Variants in FAM178B observed in about 807,000 individuals in gnomAD.
FAM178B encodes family with sequence similarity 178 member B.
Under a neutral mutation model 91.7 loss-of-function variants are expected in FAM178B, and 82 were observed. The ratio of observed to expected loss-of-function variants is 0.89; its 90% CI spans 0.75 to 1.07. FAM178B has a LOEUF of 1.07. Ranked by LOEUF, FAM178B falls within the 50% of genes least tolerant of loss-of-function variation. FAM178B has a pLI of 0.00. For missense variants in FAM178B, 769 were observed against 846.7 expected (o/e 0.91, Z 1.14); for synonymous variants, 368 against 359.4 (o/e 1.02, Z -0.27).
intron 12 of FAM178B, among the ~76,000 whole-genome samples, chr2:96,915,803 G>A (rs2081232058): frequency 6.7e-6 from 1 of 149,460 alleles, no homozygotes; most frequent in South Asian, 2.1e-4. Flanking sequence ...GCGACAGAGT[G>A]GGAAAAAAAA....
intron 8 of FAM178B, among the ~76,000 whole-genome samples, chr2:96,932,454 T>C (rs2081556268): frequency 6.6e-6 from 1 of 152,176 alleles, no homozygotes; most frequent in Non-Finnish European, 1.5e-5. Flanking sequence ...TAACACTGCC[T>C]AGAAGTGGGC....
intron 13 of FAM178B, among the ~76,000 whole-genome samples, chr2:96,898,764 C>T (rs936424624): frequency 6.6e-5 from 10 of 152,160 alleles, no homozygotes; most frequent in South Asian, 4.1e-4. Context: ...CTAGGAGGGG[C>T]GAGCACTGAG....
Position 96,921,193 on chromosome 2 carries a change from A to C in FAM178B, c.1534T>G (p.Phe512Val). The C allele has an allele frequency of 6.4e-7, 1 of 1,551,486 alleles. No individual in the cohort carries two copies. The highest frequency in any genetic ancestry group is 1.2e-5 in the South Asian group (1 of 84,048). ...CTCCGGGAGGTCATGTCTGGGAAGA[A>C]CTGCACGAGGGCCAGCAGGTTGTGG... ...HHHNLLALVQFFPDMTSRSRR... is the reference protein window; with the variant it reads ...HHHNLLALVQVFPDMTSRSRR... The change falls in exon 12 of 17, where the codon TTC becomes GTC. Residue 512 changes from phenylalanine to valine, a missense_variant. By Grantham distance (50) the Phe-to-Val change is conservative (BLOSUM62 -1). Coordinates refer to ENST00000490605, the MANE Select transcript of FAM178B (RefSeq NM_001122646.3).
intron 4 of FAM178B, among the ~76,000 whole-genome samples, chr2:96,969,556 C>G (rs2082189327): frequency 6.6e-6 from 1 of 152,192 alleles, no homozygotes; most frequent in African/African-American, 2.4e-5. Flanking sequence ...AGAGCAGGAC[C>G]CTCCCAATGC....
At chr2:96,922,504 C>T (rs746529097) in intron 10 of FAM178B, among the ~76,000 whole-genome samples, 4 of 152,028 alleles carry the variant, frequency 2.6e-5, no homozygotes, top group Non-Finnish European at 5.9e-5. Context: ...CACGCGCCAC[C>T]GCGCCCGACT....
At position 96,967,509 on chromosome 2, in the gene FAM178B, C is replaced by G. The variant is rs372016757; in HGVS notation, c.734+11G>C. On this transcript the variant is annotated intron_variant, in intron 5 of 16. Transcript: ENST00000490605. ...CCCTTCGGAGGCTGGTGCCAGGCCCCTGCCCCTCACCTGTGCTCGGGTGTG... is the reference window on the plus strand; with the variant it reads ...CCCTTCGGAGGCTGGTGCCAGGCCCGTGCCCCTCACCTGTGCTCGGGTGTG... 2.0e-6 allele frequency: 3 copies of G among 1,525,492 alleles called. No individual in the cohort carries two copies. The African/African-American group carries it at 4.1e-5, about 21-fold the overall frequency. The allele number at this position is 1,525,492 out of a possible 1,614,324, so 94.5% of individuals were successfully genotyped here. A position where few individuals can be genotyped will look rare whatever the true frequency, so the allele number is the denominator to read the frequency against.
intron 1 of FAM178B, chr2:96,977,962 G>T: frequency 2.2e-6 from 1 of 449,520 alleles, no homozygotes; most frequent in Non-Finnish European, 4.5e-6. Context: ...GGGGAGGGGG[G>T]CGACCGGCAA....
intron 6 of FAM178B, among the ~76,000 whole-genome samples, chr2:96,957,248 T>C (rs2082012134): frequency 6.6e-6 from 1 of 152,200 alleles, no homozygotes; most frequent in African/African-American, 2.4e-5. Context: ...ACTAGTGTTT[T>C]CCCACTCTTA....
At chr2:96,969,188 G>A (rs945673286) in intron 4 of FAM178B, among the ~76,000 whole-genome samples, 15 of 152,240 alleles carry the variant, frequency 9.9e-5, no homozygotes, top group African/African-American at 3.6e-4. Context: ...GCCTGGCATG[G>A]TGCAGCACAC....
Position 96,929,250 on chromosome 2 carries a change from G to A in FAM178B, c.1149C>T (p.His383=). 6.4e-7 allele frequency: 1 copy of A among 1,551,684 alleles called. No homozygotes were observed. Among genetic ancestry groups the A allele is most frequent in the Non-Finnish European group, 8.7e-7 (1 of 1,146,962 alleles). ...GCCCCAGAGGGTACAGGGCAGGACT[G>A]TGGGCACCCAGGCTGTGGAATGCCT... ...VREAFHSLGA[H]SPALYPLGPF... is the part of the protein sequence containing the mutation. The change falls in exon 9 of 17, where the codon CAC becomes CAT. Residue 383 remains histidine (H), a synonymous_variant. Transcript: ENST00000490605.
chr2:96,886,942 CGGTGGCTCACGCCTGTA>C (rs1346233397), intron 14 of FAM178B, among the ~76,000 whole-genome samples: 2 of 152,166 alleles, frequency 1.3e-5, no homozygotes, highest in Non-Finnish European at 2.9e-5. Flanking sequence ...TGGCCGGGCG[CGGTGGCTCACGCCTGTA>C]ATCCCAGCAC....
chr2:96,958,996 C>T (rs1330619730), intron 6 of FAM178B, among the ~76,000 whole-genome samples: 1 of 151,506 alleles, frequency 6.6e-6, no homozygotes, highest in East Asian at 1.9e-4. Context: ...GTCAGGAATT[C>T]GAGACCAGCC....
In FAM178B at chr2:96,970,757, T is replaced by C; in HGVS notation, c.585A>G (p.Gly195=). 6.4e-7 allele frequency: 1 copy of C among 1,551,360 alleles called. No individual in the cohort carries two copies. Among genetic ancestry groups the C allele is most frequent in the Non-Finnish European group, 8.7e-7 (1 of 1,146,814 alleles). Residue 195 remains glycine, a synonymous_variant, in exon 4 of 17, where the codon GGA becomes GGG. Transcript: ENST00000490605. ...AAPEFSWGGS[G]SYFNNLDYLL... ...AGTAGTCCAGGTTGTTGAAGTAGCT[T>C]CCTGAGCCCCCCCAGGAAAACTGGA...
intron 1 of FAM178B, among the ~76,000 whole-genome samples, chr2:96,981,894 C>G (rs951529434): frequency 6.6e-6 from 1 of 151,948 alleles, no homozygotes; most frequent in East Asian, 1.9e-4. Flanking sequence ...CAGTGAAACC[C>G]TGTCTCTACA....
chr2:96,965,035 T>TGTC (rs1337267156), intron 5 of FAM178B, among the ~76,000 whole-genome samples: 2 of 152,220 alleles, frequency 1.3e-5, no homozygotes, highest in South Asian at 4.1e-4. Context: ...AGTCTCGCTC[T>TGTC]GTCGCCCAGG....
At chr2:96,892,412 T>G (rs2080704256) in intron 14 of FAM178B, among the ~76,000 whole-genome samples, 1 of 152,126 alleles carries the variant, frequency 6.6e-6, no homozygotes, top group Non-Finnish European at 1.5e-5. Context: ...ACCCTACCCC[T>G]TTGGGGCTCT....
At chr2:96,883,276 G>A (rs1199666544) in intron 14 of FAM178B, among the ~76,000 whole-genome samples, 1 of 152,210 alleles carries the variant, frequency 6.6e-6, no homozygotes, top group African/African-American at 2.4e-5. Context: ...ATAGACGAAA[G>A]GGAAAAAGGG....
chr2:96,899,240 C>G (rs989698316), intron 13 of FAM178B, among the ~76,000 whole-genome samples: 2 of 152,230 alleles, frequency 1.3e-5, no homozygotes, highest in African/African-American at 2.4e-5. Flanking sequence ...ACTCAGCCTC[C>G]AAGACCTGGC....
At chr2:96,967,481 T>G (rs2082158163) in intron 5 of FAM178B, 39 bp downstream of exon 5, 1 of 1,356,080 alleles carries the variant, frequency 7.4e-7, no homozygotes, top group Non-Finnish European at 1.0e-6. Flanking sequence ...ACCTCAGTCT[T>G]TCCCCTTCGG....
Sources: allele counts gnomAD v4.1 joint callset (sites outside exome capture counted in the v4.1 genomes callset), GRCh38; gene constraint gnomAD v4.1.1; transcripts MANE v1.5; gene names NCBI Gene and HGNC (gene_info 2026-07-23, HGNC 2026-07-21).